CFAP96: variants seen among roughly 807,000 people sequenced by gnomAD.
The protein encoded by CFAP96 is cilia-and flagella-associated protein 96.
chr4:185,418,706 G>GT, the CFAP96 span: 1 of 1,613,618 alleles, frequency 6.2e-7, no homozygotes, highest in Non-Finnish European at 8.5e-7. Context: ...ACACAAGGGC[G>GT]TTTGAAGACA....
the CFAP96 span, among the ~76,000 whole-genome samples, chr4:185,448,435 T>A: frequency 6.6e-6 from 1 of 152,186 alleles, no homozygotes; most frequent in Non-Finnish European, 1.5e-5. Flanking sequence ...TATCTACTCT[T>A]TGTAGCACTT....
chr4:185,445,846 T>C, the CFAP96 span, among the ~76,000 whole-genome samples: 3 of 152,118 alleles, frequency 2.0e-5, no homozygotes. Context: ...GTGTATTTCT[T>C]TTTTATTTTT....
chr4:185,442,884 G>T, the CFAP96 span, among the ~76,000 whole-genome samples: 1 of 152,070 alleles, frequency 6.6e-6, no homozygotes, highest in African/African-American at 2.4e-5. Flanking sequence ...ACTTGGCTGT[G>T]TTGTATTAAT....
chr4:185,449,635 A>G, the CFAP96 span: 1 of 1,539,042 alleles, frequency 6.5e-7, no homozygotes, highest in Non-Finnish European at 8.8e-7. Flanking sequence ...CTTCAGTACC[A>G]TCCTATTAGC....
the CFAP96 span, among the ~76,000 whole-genome samples, chr4:185,413,470 G>GA: frequency 1.3e-5 from 2 of 151,792 alleles, no homozygotes; most frequent in South Asian, 4.2e-4. Context: ...GGTTCAGAAT[G>GA]AAAAAAAATG....
chr4:185,441,336 T>C, the CFAP96 span, among the ~76,000 whole-genome samples: 1 of 152,180 alleles, frequency 6.6e-6, no homozygotes, highest in African/African-American at 2.4e-5. Context: ...TTCATTTTTC[T>C]TGCGGACTTT....
the CFAP96 span, among the ~76,000 whole-genome samples, chr4:185,422,758 A>G: frequency 1.3e-5 from 2 of 152,232 alleles, no homozygotes; most frequent in Admixed American, 1.3e-4. Flanking sequence ...GGGGTTCTCA[A>G]CCTTTGTTCT....
chr4:185,432,861 T>TG, the CFAP96 span, among the ~76,000 whole-genome samples: 9 of 145,728 alleles, frequency 6.2e-5, no homozygotes, highest in East Asian at 1.2e-3. Context: ...AGATCTTGTC[T>TG]AAAAAAAAAA....
At chr4:185,431,691 T>C in the CFAP96 span, among the ~76,000 whole-genome samples, 3 of 152,200 alleles carry the variant, frequency 2.0e-5, no homozygotes, top group Non-Finnish European at 2.9e-5. Flanking sequence ...TGCTTTCTAG[T>C]CTGTAGTTGG....
At chr4:185,416,376 A>G in the CFAP96 span, among the ~76,000 whole-genome samples, 5 of 152,236 alleles carry the variant, frequency 3.3e-5, no homozygotes, top group East Asian at 1.9e-4. Context: ...ACATATAACT[A>G]TATACCCCTG....
chr4:185,414,262 A>G, the CFAP96 span, among the ~76,000 whole-genome samples: 1 of 152,222 alleles, frequency 6.6e-6, no homozygotes. Context: ...GTATTTTGCA[A>G]AATTGTGTCG....
the CFAP96 span, among the ~76,000 whole-genome samples, chr4:185,424,976 C>CAAT: frequency 3.9e-5 from 6 of 152,168 alleles, no homozygotes; most frequent in African/African-American, 1.4e-4. Flanking sequence ...AGTGAAGGTG[C>CAAT]AATAGCCCAT....
the CFAP96 span, among the ~76,000 whole-genome samples, chr4:185,420,804 G>A: frequency 6.6e-6 from 1 of 152,266 alleles, no homozygotes; most frequent in East Asian, 1.9e-4. Flanking sequence ...TGTTGACAGA[G>A]TTTGATAAAG....
chr4:185,443,342 A>ATATATATTTTTTTTTTT, the CFAP96 span, among the ~76,000 whole-genome samples: 4 of 26,726 alleles, frequency 1.5e-4, no homozygotes, highest in African/African-American at 2.3e-4. Flanking sequence ...ATATATATAT[A>ATATATATTTTTTTTTTT]TTTTTTTTTT....
the CFAP96 span, among the ~76,000 whole-genome samples, chr4:185,439,853 A>G: frequency 2.0e-5 from 3 of 148,098 alleles, no homozygotes; most frequent in Non-Finnish European, 4.5e-5. Context: ...ATACATATAA[A>G]ATGTTTTTTT....
chr4:185,436,711 A>AT, the CFAP96 span, among the ~76,000 whole-genome samples: 3 of 124,280 alleles, frequency 2.4e-5, no homozygotes, highest in South Asian at 5.9e-4. Context: ...CTCCGTCTCA[A>AT]AAATAATAAT....
the CFAP96 span, among the ~76,000 whole-genome samples, chr4:185,417,094 T>G: frequency 6.7e-6 from 1 of 150,172 alleles, no homozygotes; most frequent in Non-Finnish European, 1.5e-5. Context: ...CTTAAGTAAG[T>G]GAAGTTAACC....
the CFAP96 span, chr4:185,415,404 A>G: frequency 7.1e-7 from 1 of 1,401,516 alleles, no homozygotes; most frequent in Non-Finnish European, 9.5e-7. Context: ...ACAATAAAGA[A>G]AAGTACAGAG....
the CFAP96 span, among the ~76,000 whole-genome samples, chr4:185,412,175 T>C: frequency 2.0e-5 from 3 of 152,218 alleles, no homozygotes; most frequent in Non-Finnish European, 2.9e-5. Flanking sequence ...ATGATAAATA[T>C]GTAAAGTATA....
Sources: gnomAD v4.1 joint callset for allele counts (sites outside exome capture counted in the v4.1 genomes callset) on GRCh38, gnomAD v4.1.1 for gene constraint, MANE v1.5 for transcripts, NCBI Gene and HGNC (gene_info 2026-07-23, HGNC 2026-07-21) for gene names.